Variants in PRR16 observed in about 807,000 individuals in gnomAD.
PRR16 encodes the protein protein Largen.
A neutral mutation model predicts 18.2 loss-of-function variants in PRR16; 6 were observed. That is an observed-to-expected ratio of 0.33 (90% CI 0.18 to 0.65). The LOEUF is 0.65. Ranked by LOEUF, PRR16 falls within the 30% of genes least tolerant of loss-of-function variation. The pLI is 0.74. For synonymous variants in PRR16, 151 were observed against 147.8 expected, an observed-to-expected ratio of 1.02 and a Z score of -0.16; for missense variants, 412 against 376.6, an observed-to-expected ratio of 1.09 and a Z score of -0.78.
intron 1 of PRR16, among the ~76,000 whole-genome samples, chr5:120,669,103 C>T (rs1756500420): frequency 6.6e-6 from 1 of 152,152 alleles, no homozygotes; most frequent in Non-Finnish European, 1.5e-5. Flanking sequence ...TGTAATGACA[C>T]TGAGTCTTTT....
At chr5:120,705,078 T>TAA in the PRR16 span, among the ~76,000 whole-genome samples, 1,982 of 147,110 alleles carry the variant, frequency 0.013, 41 homozygotes, top group African/African-American at 0.046. Context: ...ATGTCCATTG[T>TAA]AAAAAAAAAA....
At chr5:120,507,147 TA>T (rs1750673285) in intron 1 of PRR16, among the ~76,000 whole-genome samples, 1 of 152,114 alleles carries the variant, frequency 6.6e-6, no homozygotes, top group South Asian at 2.1e-4. Context: ...CTAGAATCCC[TA>T]AAGAAACTAG....
intron 1 of PRR16, among the ~76,000 whole-genome samples, chr5:120,669,615 A>G (rs1756524687): frequency 6.6e-6 from 1 of 152,126 alleles, no homozygotes; most frequent in African/African-American, 2.4e-5. Flanking sequence ...TGAAATTTCA[A>G]AACATTTTAT....
the PRR16 span, among the ~76,000 whole-genome samples, chr5:120,719,586 C>T: frequency 5.9e-5 from 9 of 151,954 alleles, no homozygotes; most frequent in South Asian, 4.1e-4. Flanking sequence ...TTGAATAGTA[C>T]GATGATTTGT....
the PRR16 span, among the ~76,000 whole-genome samples, chr5:120,711,845 G>T: frequency 6.6e-6 from 1 of 152,154 alleles, no homozygotes; most frequent in Non-Finnish European, 1.5e-5. Flanking sequence ...TTACAGGGAG[G>T]GATACGGGAT....
the PRR16 span, among the ~76,000 whole-genome samples, chr5:120,791,515 T>TA: frequency 0.058 from 8,728 of 150,708 alleles, 260 homozygotes; most frequent in South Asian, 0.073. Context: ...ATAATTAGAT[T>TA]AAAAAAAAAG....
the PRR16 span, among the ~76,000 whole-genome samples, chr5:120,726,422 A>G: frequency 6.6e-6 from 1 of 152,020 alleles, no homozygotes; most frequent in African/African-American, 2.4e-5. Context: ...ACTTTCCTCA[A>G]TACCCCATAG....
intron 1 of PRR16, among the ~76,000 whole-genome samples, chr5:120,546,028 G>T (rs980573110): frequency 2.6e-5 from 4 of 152,032 alleles, no homozygotes; most frequent in African/African-American, 7.2e-5. Context: ...GATGAAAAGT[G>T]ATTTTCATAC....
chr5:120,552,293 G>A (rs540856928), intron 1 of PRR16, among the ~76,000 whole-genome samples: 1 of 151,944 alleles, frequency 6.6e-6, no homozygotes, highest in East Asian at 1.9e-4. Flanking sequence ...TCCAGTGATT[G>A]CACTGGGAAC....
intron 1 of PRR16, among the ~76,000 whole-genome samples, chr5:120,578,371 G>GA (rs1294837352): frequency 6.6e-6 from 1 of 151,896 alleles, no homozygotes; most frequent in Non-Finnish European, 1.5e-5. Flanking sequence ...TGCACCTATT[G>GA]ACCTGTCCTC....
chr5:120,485,887 A>G (rs903676613), intron 1 of PRR16, among the ~76,000 whole-genome samples: 1 of 152,108 alleles, frequency 6.6e-6, no homozygotes, highest in African/African-American at 2.4e-5. Flanking sequence ...CCTATGAGTG[A>G]GAACATGCGA....
intron 1 of PRR16, among the ~76,000 whole-genome samples, chr5:120,530,086 T>C (rs910182375): frequency 6.7e-6 from 1 of 150,326 alleles, no homozygotes; most frequent in Non-Finnish European, 1.5e-5. Flanking sequence ...ACAAGGCCTA[T>C]TTAAGAATCA....
intron 1 of PRR16, among the ~76,000 whole-genome samples, chr5:120,683,800 C>G (rs1025283353): frequency 2.0e-5 from 3 of 151,914 alleles, no homozygotes; most frequent in Admixed American, 6.6e-5. Context: ...CACCAGTATT[C>G]CATTGAGTGA....
intron 1 of PRR16, 91 bp downstream of exon 1, chr5:120,464,736 C>T: frequency 7.3e-7 from 1 of 1,368,262 alleles, no homozygotes; most frequent in Non-Finnish European, 9.6e-7. Flanking sequence ...GCCAGATTTC[C>T]AAACTCCTGG....
chr5:120,668,939 G>A (rs1007778106), intron 1 of PRR16, among the ~76,000 whole-genome samples: 2 of 152,054 alleles, frequency 1.3e-5, no homozygotes, highest in Non-Finnish European at 2.9e-5. Context: ...TCAAATAAAT[G>A]TTTTAAGAAA....
chr5:120,594,425 A>G (rs975060776), intron 1 of PRR16, among the ~76,000 whole-genome samples: 2 of 152,086 alleles, frequency 1.3e-5, no homozygotes, highest in Non-Finnish European at 2.9e-5. Context: ...AAAAATCTCT[A>G]CAATGAAACA....
chr5:120,694,508 C>G, the PRR16 span, among the ~76,000 whole-genome samples: 1 of 151,818 alleles, frequency 6.6e-6, no homozygotes, highest in Non-Finnish European at 1.5e-5. Context: ...CACGGTGAAA[C>G]CCCGTCTGTA....
At chr5:120,667,343 C>G (rs375097984) in intron 1 of PRR16, among the ~76,000 whole-genome samples, 1 of 140,596 alleles carries the variant, frequency 7.1e-6, no homozygotes, top group Admixed American at 7.1e-5. Context: ...ATTCTTCTCT[C>G]TTTTTTTCTT....
intron 1 of PRR16, among the ~76,000 whole-genome samples, chr5:120,646,087 G>T (rs1457921504): frequency 2.1e-5 from 2 of 97,294 alleles, no homozygotes; most frequent in African/African-American, 3.2e-5. Context: ...ATAGTTTCAT[G>T]AATATTATAG....
Sources: allele counts gnomAD v4.1 joint callset (sites outside exome capture counted in the v4.1 genomes callset), GRCh38; gene constraint gnomAD v4.1.1; transcripts MANE v1.5; gene names NCBI Gene and HGNC (gene_info 2026-07-23, HGNC 2026-07-21).